The following RORB variants were observed in gnomAD, a reference collection of about 807,000 sequenced individuals.
RORB encodes RAR related orphan receptor B, also known as nuclear receptor ROR-beta.
Under a neutral mutation model 59.1 loss-of-function variants are expected in RORB, and 6 were observed. That is an observed-to-expected ratio of 0.10 (90% CI 0.06 to 0.20). The LOEUF is 0.20. Ranked by LOEUF, RORB falls within the 10% of genes least tolerant of loss-of-function variation. The pLI is 1.00. For synonymous variants in RORB, 215 were observed against 204.5 expected, an observed-to-expected ratio of 1.05 and a Z score of -0.44; for missense variants, 320 against 560.5, an observed-to-expected ratio of 0.57 and a Z score of 4.33.
intron 1 of RORB, among the ~76,000 whole-genome samples, chr9:74,550,225 A>G (rs1186516210): frequency 1.3e-5 from 2 of 152,156 alleles, no homozygotes. Context: ...TTAAAGAAGA[A>G]AAAAAATCTA....
At chr9:74,569,709 A>G (rs1822521985) in intron 1 of RORB, among the ~76,000 whole-genome samples, 1 of 152,082 alleles carries the variant, frequency 6.6e-6, no homozygotes, top group African/African-American at 2.4e-5. Context: ...AATTTGGTTT[A>G]AAATTTTAAA....
chr9:74,659,386 A>G (rs991723101), intron 4 of RORB, among the ~76,000 whole-genome samples: 1 of 152,210 alleles, frequency 6.6e-6, no homozygotes, highest in African/African-American at 2.4e-5. Context: ...CCTGAAATAC[A>G]AGAAAATTTT....
At chr9:74,527,345 T>C (rs1045235308) in intron 1 of RORB, among the ~76,000 whole-genome samples, 3 of 151,952 alleles carry the variant, frequency 2.0e-5, no homozygotes, top group African/African-American at 7.2e-5. Context: ...CCAGTCGCTG[T>C]TCCAAAATCT....
chr9:74,610,960 T>C (rs1023242144), intron 1 of RORB, among the ~76,000 whole-genome samples: 9 of 152,232 alleles, frequency 5.9e-5, no homozygotes, highest in Non-Finnish European at 8.8e-5. Flanking sequence ...CTCCGTGGGA[T>C]GGTTTCTATA....
rs1824166411 is a variant in RORB at position 74,660,620 on chromosome 9, G to A, written c.641G>A (p.Arg214Gln). 3.7e-6 allele frequency: 6 copies of A among 1,607,902 alleles called. No homozygotes were observed. The African/African-American group carries it at 4.0e-5, about 11-fold the overall frequency. Residue 214 changes from arginine to glutamine, a missense_variant, in exon 5 of 10, where the codon CGA becomes CAA. Transcript: ENST00000376896. Reference protein sequence around the residue: ...APGITMTEIDRIAQNIIKSHL... With the variant: ...APGITMTEIDQIAQNIIKSHL... ...GAATTGATATCTTTTCTCACAGACCGAATTGCACAGAACATCATTAAGTCC... is the reference window on the plus strand; with the variant it reads ...GAATTGATATCTTTTCTCACAGACCAAATTGCACAGAACATCATTAAGTCC...
rs182194103 is a variant in RORB at position 74,588,208 on chromosome 9, A to G, written c.8-42074A>G. 1.2e-3 allele frequency among the ~76,000 whole-genome samples: 188 copies of G among 152,252 alleles called. 1 individual carries two copies. The highest frequency in any genetic ancestry group is 4.3e-3 in the African/African-American group (179 of 41,556). On this transcript the variant is annotated intron_variant, in intron 1 of 9. Transcript: ENST00000376896. ...GCATGATAGTGGGGCAAGCGTAATA[A>G]TTAAGGCAAGTCTCTCACTCTCAGT... is the stretch of plus-strand genomic sequence containing the variant.
At position 74,590,610 on chromosome 9, in the gene RORB, C is replaced by A. The variant is rs1587373346; in HGVS notation, c.8-39672C>A. On this transcript the variant is annotated intron_variant, in intron 1 of 9. Transcript: ENST00000376896. The stretch of plus-strand genomic sequence containing the variant: ...AGTTGCACACAGCGAGCTCTTTCCA[C>A]GATGTGCTGTCATGTCAAGTGAGAC... Among the ~76,000 whole-genome samples the A allele has an allele frequency of 2.6e-5, 4 of 152,252 alleles. No homozygotes were observed. In the South Asian group the frequency reaches 8.3e-4, roughly 32 times the overall value.
chr9:74,531,077 C>T (rs1179690359), intron 1 of RORB, among the ~76,000 whole-genome samples: 1 of 151,776 alleles, frequency 6.6e-6, no homozygotes, highest in Non-Finnish European at 1.5e-5. Context: ...TATAGTACTC[C>T]CCCAATGATG....
At chr9:74,536,444 G>A (rs575359652) in intron 1 of RORB, among the ~76,000 whole-genome samples, 40 of 152,102 alleles carry the variant, frequency 2.6e-4, no homozygotes, top group South Asian at 1.0e-3. Context: ...CTAGTTCTTC[G>A]AGTTCATGTA....
intron 9 of RORB, among the ~76,000 whole-genome samples, chr9:74,674,060 T>C (rs918351714): frequency 2.0e-5 from 3 of 152,340 alleles, no homozygotes; most frequent in East Asian, 3.9e-4. Flanking sequence ...GTTAGGAATA[T>C]GGACTGAGCC....
In RORB at chr9:74,497,997, C is replaced by G; in HGVS notation, c.7+14C>G. On this transcript the variant is annotated intron_variant, in intron 1 of 9. Coordinates refer to ENST00000376896, the MANE Select transcript of RORB (RefSeq NM_006914.4). Reference sequence around the variant, plus strand: ...ACACCATGCGAGGTAAGCGAGTCTGCGGGCACCGAGGCTCCCCGAGTCCGG... The same window carrying G: ...ACACCATGCGAGGTAAGCGAGTCTGGGGGCACCGAGGCTCCCCGAGTCCGG... The G allele has an allele frequency of 6.2e-7, 1 of 1,609,112 alleles. No individual in the cohort carries two copies. Among genetic ancestry groups the G allele is most frequent in the Non-Finnish European group, 8.5e-7 (1 of 1,179,190 alleles).
chr9:74,528,426 G>A (rs189509770), intron 1 of RORB, among the ~76,000 whole-genome samples: 2 of 152,106 alleles, frequency 1.3e-5, no homozygotes, highest in African/African-American at 4.8e-5. Context: ...TCGCACAGCC[G>A]TCCGTCTGGC....
intron 2 of RORB, 61 bp downstream of exon 2, chr9:74,630,428 G>T: frequency 8.0e-7 from 1 of 1,251,326 alleles, no homozygotes; most frequent in Non-Finnish European, 1.1e-6. Context: ...TACCTCACAA[G>T]ATGCGGTGAC....
At chr9:74,633,109 G>C (rs375949127) in intron 2 of RORB, among the ~76,000 whole-genome samples, 21 of 152,306 alleles carry the variant, frequency 1.4e-4, no homozygotes, top group African/African-American at 4.3e-4. Flanking sequence ...GTGCCACGCT[G>C]AGCCATATTG....
chr9:74,606,262 A>AT (rs1383664456), intron 1 of RORB, among the ~76,000 whole-genome samples: 1 of 152,226 alleles, frequency 6.6e-6, no homozygotes, highest in African/African-American at 2.4e-5. Flanking sequence ...ATGGCATGAT[A>AT]TATTTGCCTT....
intron 1 of RORB, among the ~76,000 whole-genome samples, chr9:74,530,842 T>C (rs992796750): frequency 3.9e-5 from 6 of 152,062 alleles, no homozygotes; most frequent in African/African-American, 1.4e-4. Flanking sequence ...TCATTTACAT[T>C]AGGTGTATCT....
At chr9:74,680,270 A>G (rs1824526085) in intron 9 of RORB, among the ~76,000 whole-genome samples, 1 of 152,200 alleles carries the variant, frequency 6.6e-6, no homozygotes, top group Non-Finnish European at 1.5e-5. Context: ...GGAACTACGA[A>G]TTGGGAAGCC....
rs891529854 is a variant in RORB, at chr9:74,691,742, C to T, written c.*6124C>T. The T allele has an allele frequency of 1.3e-5, 2 of 152,062 alleles. No homozygotes were observed. The highest frequency in any genetic ancestry group is 2.4e-5 in the African/African-American group (1 of 41,384). The allele number at this position is 152,062 out of a possible 1,614,324, so 9.4% of individuals were successfully genotyped here. ...CAAATATGTACTTGCTTCCTTTCTGCGTGTTATGTACTTCTCAGTTTTTTA... is the reference window on the plus strand; with the variant it reads ...CAAATATGTACTTGCTTCCTTTCTGTGTGTTATGTACTTCTCAGTTTTTTA... On this transcript the variant is annotated 3_prime_UTR_variant, in exon 10 of 10. Coordinates refer to ENST00000376896, the MANE Select transcript of RORB (RefSeq NM_006914.4).
At chr9:74,630,245 C>T (rs1563958125) in intron 1 of RORB, 37 bp from the exon 2 acceptor site, 3 of 1,608,072 alleles carry the variant, frequency 1.9e-6, no homozygotes, top group Admixed American at 1.7e-5. Flanking sequence ...AGAAAGAAAA[C>T]ATCTGTATGC....
Sources: allele counts gnomAD v4.1 joint callset (sites outside exome capture counted in the v4.1 genomes callset), GRCh38; gene constraint gnomAD v4.1.1; transcripts MANE v1.5; gene names NCBI Gene and HGNC (gene_info 2026-07-23, HGNC 2026-07-21).